Variants in RANGAP1 observed in about 807,000 individuals in gnomAD.
RANGAP1 encodes the protein Ran GTPase activating protein 1, also known as ran GTPase-activating protein 1.
Under a neutral mutation model 63.5 loss-of-function variants are expected in RANGAP1, and 38 were observed. The observed-to-expected ratio is 0.60, with a 90% CI of 0.46 to 0.78. The LOEUF (loss-of-function observed/expected upper bound fraction) is 0.78. RANGAP1 is among the 30% of genes least tolerant of loss of function. The probability of loss-of-function intolerance (pLI) is 0.00; values close to 1 mark genes in which losing one functional copy is unlikely to be tolerated. For synonymous variants in RANGAP1, 329 were observed against 310.5 expected (o/e 1.06, Z -0.63); for missense variants, 630 against 740.3 (o/e 0.85, Z 1.73).
At chr22:41,249,867 G>C in intron 13 of RANGAP1, 50 bp from the exon 14 acceptor site, 1 of 1,537,544 alleles carries the variant, frequency 6.5e-7, no homozygotes, top group Non-Finnish European at 9.0e-7. Flanking sequence ...GCAGAGGGCT[G>C]GGCCAAGGCA....
At chr22:41,299,114 G>C in the RANGAP1 span, among the ~76,000 whole-genome samples, 2 of 151,946 alleles carry the variant, frequency 1.3e-5, no homozygotes, top group Admixed American at 1.3e-4. Flanking sequence ...CATCAAATCA[G>C]GGATTAGAGA....
chr22:41,301,406 C>G, the RANGAP1 span: 2 of 152,212 alleles, frequency 1.3e-5, no homozygotes, highest in Admixed American at 6.5e-5. Flanking sequence ...GGGGCTTCCC[C>G]GACTCGCCCC....
chr22:41,276,961 G>A (rs1478177579), intron 2 of RANGAP1, among the ~76,000 whole-genome samples: 1 of 148,588 alleles, frequency 6.7e-6, no homozygotes, highest in Non-Finnish European at 1.5e-5. Context: ...CTCCAGCCTG[G>A]GCTACAGAGC....
the RANGAP1 span, among the ~76,000 whole-genome samples, chr22:41,296,596 G>A: frequency 1.3e-5 from 2 of 150,330 alleles, no homozygotes; most frequent in South Asian, 2.1e-4. Flanking sequence ...GAAGTGAGCC[G>A]AGATTGTGCC....
At chr22:41,253,096 C>T in intron 11 of RANGAP1, 105 bp from the exon 12 acceptor site, 1 of 1,173,648 alleles carries the variant, frequency 8.5e-7, no homozygotes, top group Non-Finnish European at 1.1e-6. Flanking sequence ...CACTCCAGCC[C>T]ATCTAGGCTC....
At chr22:41,249,654 C>T (rs2033298346) in intron 14 of RANGAP1, 75 bp downstream of exon 14, 4 of 1,550,116 alleles carry the variant, frequency 2.6e-6, no homozygotes, top group Middle Eastern at 1.8e-4. Flanking sequence ...GGGAGGTTGG[C>T]GGGCATGGCT....
chr22:41,265,743 C>G (rs961403633), intron 4 of RANGAP1, among the ~76,000 whole-genome samples: 1 of 152,122 alleles, frequency 6.6e-6, no homozygotes, highest in Non-Finnish European at 1.5e-5. Context: ...GAGACTGGGT[C>G]AGAAATGGGG....
intron 1 of RANGAP1, chr22:41,282,260 A>T (rs959576550): frequency 1.3e-5 from 2 of 152,224 alleles, no homozygotes; most frequent in Admixed American, 6.5e-5. Flanking sequence ...TATGACTGCC[A>T]CTGCACTCCA....
intron 3 of RANGAP1, among the ~76,000 whole-genome samples, chr22:41,269,631 A>G (rs1601666992): frequency 6.6e-6 from 1 of 151,640 alleles, no homozygotes; most frequent in Admixed American, 6.6e-5. Context: ...GCCACTCTAG[A>G]GGCCACTCAT....
At chr22:41,255,124 C>T (rs537302165) in intron 10 of RANGAP1, among the ~76,000 whole-genome samples, 6 of 152,274 alleles carry the variant, frequency 3.9e-5, no homozygotes, top group African/African-American at 1.4e-4. Flanking sequence ...GTTGAGATGC[C>T]AGGGCAGGGG....
At chr22:41,263,473 CT>C (rs1423593965) in intron 5 of RANGAP1, among the ~76,000 whole-genome samples, 1 of 152,204 alleles carries the variant, frequency 6.6e-6, no homozygotes, top group East Asian at 1.9e-4. Flanking sequence ...CAACCTCCAC[CT>C]CCCGGGTTCG....
chr22:41,290,432 G>A (rs928196666), upstream of RANGAP1, among the ~76,000 whole-genome samples: 5 of 152,018 alleles, frequency 3.3e-5, no homozygotes, highest in African/African-American at 1.2e-4. Context: ...GTTTCACTGT[G>A]TTGTCCAGGC....
the RANGAP1 span, among the ~76,000 whole-genome samples, chr22:41,296,308 A>G: frequency 2.0e-5 from 3 of 151,966 alleles, no homozygotes; most frequent in African/African-American, 7.2e-5. Context: ...ATGAGCCACC[A>G]TCGAAAATAA....
At chr22:41,286,859 AATC>A (rs1243594539), upstream of RANGAP1, among the ~76,000 whole-genome samples, 4 of 152,322 alleles carry the variant, frequency 2.6e-5, 1 homozygote, top group South Asian at 4.1e-4. Context: ...ACCTTAGTCT[AATC>A]ATGAGAAACC....
intron 2 of RANGAP1, chr22:41,277,330 G>A (rs551686822): frequency 3.5e-5 from 14 of 394,474 alleles, no homozygotes; most frequent in African/African-American, 4.3e-5. Context: ...CGCCCGCCTC[G>A]GCCTCCCAAA....
At chr22:41,301,672 C>A in the RANGAP1 span, 1 of 152,188 alleles carries the variant, frequency 6.6e-6, no homozygotes, top group Non-Finnish European at 1.5e-5. Context: ...ATAGCATTTA[C>A]TCTTATTATT....
At chr22:41,253,755 C>A (rs1050782131) in intron 11 of RANGAP1, among the ~76,000 whole-genome samples, 1 of 152,148 alleles carries the variant, frequency 6.6e-6, no homozygotes, top group Non-Finnish European at 1.5e-5. Flanking sequence ...TTATAATATA[C>A]ATAATGCAGC....
chr22:41,266,165 G>C (rs917067139), intron 4 of RANGAP1, among the ~76,000 whole-genome samples: 5 of 146,798 alleles, frequency 3.4e-5, no homozygotes, highest in Non-Finnish European at 7.4e-5. Context: ...TCGTGCCACT[G>C]CACTCCAGCC....
chr22:41,298,419 A>G, the RANGAP1 span, among the ~76,000 whole-genome samples: 2 of 151,896 alleles, frequency 1.3e-5, no homozygotes, highest in Non-Finnish European at 2.9e-5. Context: ...GGTTCAAGCG[A>G]TTCTCCTGCC....
Sources: allele counts gnomAD v4.1 joint callset (sites outside exome capture counted in the v4.1 genomes callset), GRCh38; gene constraint gnomAD v4.1.1; transcripts MANE v1.5; gene names NCBI Gene and HGNC (gene_info 2026-07-23, HGNC 2026-07-21).